The following SUPT6H variants were observed in gnomAD, a reference collection of about 807,000 sequenced individuals.
The protein encoded by SUPT6H is transcription elongation factor SPT6.
SUPT6H carries 11 observed loss-of-function variants against 222.3 expected under a neutral mutation model. The ratio of observed to expected loss-of-function variants is 0.05; its 90% CI spans 0.03 to 0.08. SUPT6H has a LOEUF of 0.08. Ranked by LOEUF, SUPT6H falls within the 10% of genes least tolerant of loss-of-function variation. SUPT6H has a pLI of 1.00. For synonymous variants in SUPT6H, 762 were observed against 801.2 expected (o/e 0.95, Z 0.83); for missense variants, 1,422 against 2,216.0 (o/e 0.64, Z 7.19).
rs758261353 is a variant in SUPT6H at position 28,675,037 on chromosome 17, A to G, written c.413A>G (p.Glu138Gly). 6.2e-7 allele frequency: 1 copy of G among 1,614,168 alleles called. No homozygotes were observed. The highest frequency in any genetic ancestry group is 1.1e-5 in the South Asian group (1 of 91,090). The change falls in exon 5 of 37, where the codon GAG (glutamate) becomes GGG (glycine). Residue 138 changes from glutamate to glycine, a missense_variant. Glu to Gly is a moderately conservative substitution (Grantham distance 98). Transcript: ENST00000314616. ...EDDDEEEYGK[E>G]EHEKEAIAEE... Reference sequence around the variant, plus strand: ...GATGACGAGGAGGAATATGGCAAGGAGGAACATGAAAAAGAAGCTATTGCG... The same window carrying G: ...GATGACGAGGAGGAATATGGCAAGGGGGAACATGAAAAAGAAGCTATTGCG...
Position 28,684,704 on chromosome 17 carries a change from G to T in SUPT6H, c.2348G>T (p.Gly783Val). The T allele has an allele frequency of 6.2e-7, 1 of 1,614,222 alleles. No individual in the cohort carries two copies. Residue 783 changes from glycine to valine, a missense_variant, in exon 18 of 37, where the codon GGC (glycine) becomes GTC (valine). Around this residue, in one of 13 missense-constraint regions of SUPT6H, gnomAD observed 294 missense variants for 382.1 expected, o/e 0.77. Transcript: ENST00000314616. Reference sequence around the variant, plus strand: ...CAAGGGAAGGGCATTCGAGTCCTCGGCATTGCTTTCTCCTCTGCCAGGTAA... The same window carrying T: ...CAAGGGAAGGGCATTCGAGTCCTCGTCATTGCTTTCTCCTCTGCCAGGTAA... Reference protein sequence around the residue: ...ENQGKGIRVLGIAFSSARDHP... With the variant: ...ENQGKGIRVLVIAFSSARDHP...
chr17:28,697,341 A>G (rs181556031), intron 30 of SUPT6H, among the ~76,000 whole-genome samples: 53 of 152,332 alleles, frequency 3.5e-4, no homozygotes, highest in South Asian at 8.3e-4. Context: ...ATATATACGC[A>G]CACACATATA....
chr17:28,676,387 A>G lies in SUPT6H; in HGVS notation c.854A>G (p.Gln285Arg). The G allele has an allele frequency of 6.2e-7, 1 of 1,614,026 alleles. No individual in the cohort carries two copies. Among genetic ancestry groups the G allele is most frequent in the Non-Finnish European group, 8.5e-7 (1 of 1,180,024 alleles). ...SELESSHLTD[Q>R]DNEIRATDLP... is the part of the protein sequence containing the mutation. ...CTAGAAAGCAGCCACCTCACAGATC[A>G]GGACAATGAAATCCGAGCCACTGAC... Residue 285 changes from glutamine to arginine, a missense_variant, in exon 7 of 37, where the codon CAG (glutamine) becomes CGG (arginine). Coordinates refer to ENST00000314616, the MANE Select transcript of SUPT6H (RefSeq NM_003170.5).
At chr17:28,663,476 C>T (rs2072103644) in intron 1 of SUPT6H, among the ~76,000 whole-genome samples, 2 of 152,166 alleles carry the variant, frequency 1.3e-5, no homozygotes, top group Admixed American at 6.5e-5. Flanking sequence ...ACAGTTCTTC[C>T]TCTGAAAGCC....
intron 33 of SUPT6H, 25 bp from the exon 34 acceptor site, chr17:28,700,148 G>T (rs183082411): frequency 6.2e-7 from 1 of 1,613,992 alleles, no homozygotes; most frequent in Non-Finnish European, 8.5e-7. Context: ...CTGGAGGGAT[G>T]TAACTAAATA....
At chr17:28,680,725 C>G (rs1371771509) in intron 11 of SUPT6H, among the ~76,000 whole-genome samples, 1 of 152,176 alleles carries the variant, frequency 6.6e-6, no homozygotes, top group Non-Finnish European at 1.5e-5. Flanking sequence ...GATCTTGGCT[C>G]ACTGCAAGCT....
At position 28,699,900 on chromosome 17, in the gene SUPT6H, T is replaced by C. The variant is rs2032063743; in HGVS notation, c.4561+7T>C. 6.2e-7 allele frequency: 1 copy of C among 1,611,930 alleles called. No homozygotes were observed. The highest frequency in any genetic ancestry group is 8.5e-7 in the Non-Finnish European group (1 of 1,178,156). ...TACCAGGATCCTGTACCAGGTGAGT[T>C]CTGCTCTTCCTGACTTCAGGGACGT... is the stretch of plus-strand genomic sequence containing the variant. On this transcript the variant is annotated splice_region_variant and intron_variant, in intron 33 of 36. Coordinates refer to ENST00000314616, the MANE Select transcript of SUPT6H (RefSeq NM_003170.5).
At chr17:28,681,156 A>T in intron 11 of SUPT6H, 100 bp from the exon 12 acceptor site, 1 of 1,314,794 alleles carries the variant, frequency 7.6e-7, no homozygotes, top group Non-Finnish European at 1.1e-6. Context: ...ATCCCATTTT[A>T]GTTGGGATAC....
intron 29 of SUPT6H, among the ~76,000 whole-genome samples, chr17:28,696,325 G>A (rs189759018): frequency 7.3e-4 from 109 of 149,630 alleles, no homozygotes; most frequent in Middle Eastern, 3.5e-3. Flanking sequence ...GGCCAGGCGC[G>A]ATGGCTCACG....
intron 1 of SUPT6H, among the ~76,000 whole-genome samples, chr17:28,665,105 T>A (rs1300232908): frequency 6.6e-6 from 1 of 152,164 alleles, no homozygotes; most frequent in Non-Finnish European, 1.5e-5. Flanking sequence ...TACTTAAAAC[T>A]CTCCAGTGAC....
chr17:28,671,481 A>G (rs2030412980), intron 1 of SUPT6H, among the ~76,000 whole-genome samples: 1 of 152,186 alleles, frequency 6.6e-6, no homozygotes, highest in Admixed American at 6.5e-5. Context: ...TATCCCATAG[A>G]CCATTTTACT....
chr17:28,664,689 T>G (rs1052924903), intron 1 of SUPT6H, among the ~76,000 whole-genome samples: 1 of 152,232 alleles, frequency 6.6e-6, no homozygotes, highest in African/African-American at 2.4e-5. Flanking sequence ...AAATGCCTGT[T>G]TAATTATCTC....
In SUPT6H at chr17:28,695,530, G is replaced by A. The variant is rs769119050; in HGVS notation, c.3953G>A (p.Arg1318Gln). The change falls in exon 29 of 37, where the codon CGG becomes CAG. Residue 1318 changes from arginine (R) to glutamine (Q), a missense_variant. Around this residue, in one of 13 missense-constraint regions of SUPT6H, gnomAD observed 395 missense variants for 580.6 expected, o/e 0.68. Coordinates refer to ENST00000314616, the MANE Select transcript of SUPT6H (RefSeq NM_003170.5). ...ADHKQEEDMKRKQQRTTYIKR... is the reference protein window; with the variant it reads ...ADHKQEEDMKQKQQRTTYIKR... Reference sequence around the variant, plus strand: ...CACAAGCAGGAGGAGGACATGAAGCGGAAGCAGCAGCGGACCAGTGAGTGT... The same window carrying A: ...CACAAGCAGGAGGAGGACATGAAGCAGAAGCAGCAGCGGACCAGTGAGTGT... The A allele has an allele frequency of 1.2e-5, 19 of 1,613,694 alleles. No individual in the cohort carries two copies. Among genetic ancestry groups the A allele is most frequent in the Admixed American group, 1.0e-4 (6 of 59,964 alleles).
chr17:28,673,005 G>A (rs922515952), intron 1 of SUPT6H: 34 of 176,618 alleles, frequency 1.9e-4, no homozygotes, highest in Non-Finnish European at 3.3e-4. Flanking sequence ...ACAAAAATTA[G>A]CCAGGCATGG....
At chr17:28,664,569 C>T (rs1254364974) in intron 1 of SUPT6H, among the ~76,000 whole-genome samples, 1 of 152,320 alleles carries the variant, frequency 6.6e-6, no homozygotes, top group Non-Finnish European at 1.5e-5. Context: ...TACATGCTTC[C>T]CTTTAGGTAA....
chr17:28,701,844 A>G lies in SUPT6H; in HGVS notation c.*219A>G, dbSNP rs2032149599. 2 of 543,614 alleles carry G rather than the reference A, an allele frequency of 3.7e-6. No homozygotes were observed. Among genetic ancestry groups the G allele is most frequent in the Admixed American group, 6.3e-5 (2 of 31,822 alleles). 33.7% of individuals were successfully genotyped at this position (543,614 alleles called of 1,614,324 possible). On this transcript the variant is annotated 3_prime_UTR_variant, in exon 37 of 37. Transcript: ENST00000314616. ...CTCCCGCTCCAGACCCTCACCGACCACCTGTCCTGGGACCAGGCTGGGAGG... is the reference window on the plus strand; with the variant it reads ...CTCCCGCTCCAGACCCTCACCGACCGCCTGTCCTGGGACCAGGCTGGGAGG...
chr17:28,675,354 G>A, intron 5 of SUPT6H, 47 bp from the exon 6 acceptor site: 1 of 1,605,646 alleles, frequency 6.2e-7, no homozygotes, highest in Non-Finnish European at 8.5e-7. Flanking sequence ...ATTTAGTCCT[G>A]GCTCAGCCCC....
intron 1 of SUPT6H, among the ~76,000 whole-genome samples, chr17:28,667,410 T>TATAC (rs1156990862): frequency 9.9e-6 from 1 of 100,934 alleles, no homozygotes; most frequent in Non-Finnish European, 1.8e-5. Flanking sequence ...TGTGTGTATA[T>TATAC]ATATATATAT....
At chr17:28,684,553 T>A in intron 17 of SUPT6H, 33 bp from the exon 18 acceptor site, 1 of 1,613,220 alleles carries the variant, frequency 6.2e-7, no homozygotes, top group Non-Finnish European at 8.5e-7. Flanking sequence ...AATGTCATCA[T>A]GTATGTAATA....
Sources: gnomAD v4.1 joint callset for allele counts (sites outside exome capture counted in the v4.1 genomes callset) on GRCh38, gnomAD v4.1.1 for gene constraint, gnomAD v4.1.1 regional missense constraint, MANE v1.5 for transcripts, NCBI Gene and HGNC (gene_info 2026-07-23, HGNC 2026-07-21) for gene names.